The following BLCAP variants were observed in gnomAD, a reference collection of about 807,000 sequenced individuals.
BLCAP encodes apoptosis inducing factor BLCAP.
Under a neutral mutation model 5.7 loss-of-function variants are expected in BLCAP, and 1 was observed. The ratio of observed to expected loss-of-function variants is 0.18; its 90% confidence interval spans 0.06 to 0.83. The LOEUF is 0.83. BLCAP is among the 40% of genes least tolerant of loss of function. BLCAP has a pLI of 0.71. For synonymous variants in BLCAP, 48 were observed against 49.4 expected (o/e 0.97, Z 0.11); for missense variants, 66 against 107.6 (o/e 0.61, Z 1.71).
At chr20:37,522,804 T>C (rs1488408417) in intron 1 of BLCAP, 16 of 1,514,316 alleles carry the variant, frequency 1.1e-5, no homozygotes, top group African/African-American at 1.4e-5. Context: ...CAGGTGCTCC[T>C]GTGCATCTCG....
At chr20:37,522,213 A>G (rs1415155063) in intron 1 of BLCAP, 3 of 412,118 alleles carry the variant, frequency 7.3e-6, no homozygotes, top group Admixed American at 4.4e-5. Context: ...AAAATAAAAA[A>G]GAGGCAAAAG....
Position 37,521,242 on chromosome 20 carries a change from G to C in BLCAP, c.-176-1892C>G. The C allele has an allele frequency of 7.2e-7, 1 of 1,380,062 alleles. No individual in the cohort carries two copies. The highest frequency in any genetic ancestry group is 1.0e-6 in the Non-Finnish European group (1 of 970,206). 85.5% of individuals were successfully genotyped at this position (1,380,062 alleles called of 1,614,324 possible). A position where few individuals can be genotyped will look rare whatever the true frequency, so the allele number is the denominator to read the frequency against. On this transcript the variant is annotated intron_variant, in intron 1 of 1. Transcript: ENST00000373537. This position sits in a 1 kb window ranked among gnomAD's most constrained non-coding sequence, Gnocchi z 4.5. Reference sequence around the variant, plus strand: ...GGGTACTTAAGGCGCGGCCACCGCGGCTGCGGCAGTGCGCCCAACAGCGGA... The same window carrying C: ...GGGTACTTAAGGCGCGGCCACCGCGCCTGCGGCAGTGCGCCCAACAGCGGA...
intron 1 of BLCAP, among the ~76,000 whole-genome samples, chr20:37,525,200 C>T (rs917138696): frequency 6.6e-6 from 1 of 152,304 alleles, no homozygotes; most frequent in African/African-American, 2.4e-5. Flanking sequence ...GAATCATGAA[C>T]ATACCAACAT....
Position 37,521,191 on chromosome 20 carries a change from C to A in BLCAP, c.-176-1841G>T. 2 of 796,560 alleles carry A rather than the reference C, an allele frequency of 2.5e-6. No homozygotes were observed. Among genetic ancestry groups the A allele is most frequent in the African/African-American group, 1.7e-5 (1 of 58,912 alleles). 49.3% of individuals were successfully genotyped at this position (796,560 alleles called of 1,614,324 possible). ...CCCTCCTCATAAACACCCCCCAAGG[C>A]GCGCATGCGCACTTAGGTGGCGGGC... On this transcript the variant is annotated intron_variant, in intron 1 of 1. Transcript: ENST00000373537. This position sits in a 1 kb window ranked among gnomAD's most constrained non-coding sequence, Gnocchi z 4.5.
chr20:37,526,544 C>T (rs2071725483), intron 1 of BLCAP: 1 of 152,060 alleles, frequency 6.6e-6, no homozygotes, highest in Admixed American at 6.5e-5. Flanking sequence ...GCAGGCAACG[C>T]GTGGTTCTTG....
Position 37,518,593 on chromosome 20 carries a change from T to G in BLCAP, c.*318A>C. The G allele has an allele frequency of 6.7e-6, 2 of 296,960 alleles. No homozygotes were observed. The highest frequency in any genetic ancestry group is 7.0e-5 in the East Asian group (1 of 14,270). 18.4% of individuals were successfully genotyped at this position (296,960 alleles called of 1,614,324 possible). ...GGCATTTTATCTGCCCCAGGTCACATTGGGGCAGCTGACCAGGATGGACCC... is the reference window on the plus strand; with the variant it reads ...GGCATTTTATCTGCCCCAGGTCACAGTGGGGCAGCTGACCAGGATGGACCC... On this transcript the variant is annotated 3_prime_UTR_variant, in exon 2 of 2. Coordinates refer to ENST00000373537, the MANE Select transcript of BLCAP (RefSeq NM_006698.4).
rs1601090134 is a variant in BLCAP, at chr20:37,521,209, T to C, written c.-176-1859A>G. 2 of 955,064 alleles carry C rather than the reference T, an allele frequency of 2.1e-6. No individual in the cohort carries two copies. Among genetic ancestry groups the C allele is most frequent in the Non-Finnish European group, 3.4e-6 (2 of 595,330 alleles). The allele number at this position is 955,064 out of a possible 1,614,324, so 59.2% of individuals were successfully genotyped here. ...CCCAAGGCGCGCATGCGCACTTAGG[T>C]GGCGGGCGGGTACTTAAGGCGCGGC... On this transcript the variant is annotated intron_variant, in intron 1 of 1. Coordinates refer to ENST00000373537, the MANE Select transcript of BLCAP (RefSeq NM_006698.4). This position sits in a 1 kb window ranked among gnomAD's most constrained non-coding sequence, Gnocchi z 4.5.
Position 37,518,739 on chromosome 20 carries a change from C to A in BLCAP, c.*172G>T, listed in dbSNP as rs372362652. 1 of 917,778 alleles carries A rather than the reference C, an allele frequency of 1.1e-6. No individual in the cohort carries two copies. Among genetic ancestry groups the A allele is most frequent in the Non-Finnish European group, 1.6e-6 (1 of 619,060 alleles). The allele number at this position is 917,778 out of a possible 1,614,324, so 56.9% of individuals were successfully genotyped here. A position where few individuals can be genotyped will look rare whatever the true frequency, so the allele number is the denominator to read the frequency against. ...CTATAGGACTTTACAATAAAAGCAC[C>A]GGTCAGTGCCATTATTCACATTGTA... On this transcript the variant is annotated 3_prime_UTR_variant, in exon 2 of 2. Transcript: ENST00000373537.
chr20:37,522,856 C>A, intron 1 of BLCAP: 2 of 1,135,444 alleles, frequency 1.8e-6, no homozygotes, highest in Non-Finnish European at 2.5e-6. Context: ...GTGGGGTCCC[C>A]TGTGTTCCCT....
chr20:37,522,974 TCC>T (rs1188591278), intron 1 of BLCAP: 3 of 509,320 alleles, frequency 5.9e-6, no homozygotes, highest in Non-Finnish European at 1.0e-5. Flanking sequence ...TTTGCACCGG[TCC>T]CACTAAGGGG....
chr20:37,521,197 T>G lies in BLCAP; in HGVS notation c.-176-1847A>C. 1.2e-6 allele frequency: 1 copy of G among 851,192 alleles called. No individual in the cohort carries two copies. The highest frequency in any genetic ancestry group is 2.0e-6 in the Non-Finnish European group (1 of 507,228). The allele number at this position is 851,192 out of a possible 1,614,324, so 52.7% of individuals were successfully genotyped here. On this transcript the variant is annotated intron_variant, in intron 1 of 1. Transcript: ENST00000373537. The surrounding 1 kb of genome is among the most constrained non-coding windows in gnomAD (Gnocchi z 4.5). Reference sequence around the variant, plus strand: ...TCATAAACACCCCCCAAGGCGCGCATGCGCACTTAGGTGGCGGGCGGGTAC... The same window carrying G: ...TCATAAACACCCCCCAAGGCGCGCAGGCGCACTTAGGTGGCGGGCGGGTAC...
intron 1 of BLCAP, chr20:37,522,344 A>G (rs1213343518): frequency 3.1e-6 from 5 of 1,610,914 alleles, no homozygotes; most frequent in Admixed American, 1.7e-5. Context: ...AAGGAATCGC[A>G]TATTTCCTTC....
chr20:37,518,979 AAC>A lies in BLCAP; in HGVS notation c.194_195del (p.Cys65PhefsTer16). 2 of 1,614,098 alleles carry A rather than the reference AAC, an allele frequency of 1.2e-6. No individual in the cohort carries two copies. Among genetic ancestry groups the A allele is most frequent in the Non-Finnish European group, 1.7e-6 (2 of 1,179,944 alleles). On this transcript the variant is annotated frameshift_variant, in exon 2 of 2. Transcript: ENST00000373537. LOFTEE classifies it high-confidence loss of function. ...GGGGAATCGGAGCAGTGGTACAGGA[AAC>A]AGTTTCCCCAGCAGCTATAGCAGAT... ...FLICYSCWGN[C>X]FLYHCSDSPL...
At chr20:37,526,418 T>C (rs574531984) in intron 1 of BLCAP, among the ~76,000 whole-genome samples, 2 of 152,118 alleles carry the variant, frequency 1.3e-5, no homozygotes, top group East Asian at 1.9e-4. Context: ...TGTCACCATC[T>C]TCCCTGGGAG....
At chr20:37,523,050 A>C (rs2071644237) in intron 1 of BLCAP, 2 of 372,618 alleles carry the variant, frequency 5.4e-6, no homozygotes, top group East Asian at 4.3e-5. Flanking sequence ...TAGGCACCGC[A>C]TTCTGATCTG....
At chr20:37,523,978 T>C (rs2071676438) in intron 1 of BLCAP, among the ~76,000 whole-genome samples, 1 of 152,058 alleles carries the variant, frequency 6.6e-6, no homozygotes. Context: ...CTTGTGGTCT[T>C]AGGATAAGGG....
rs927581350 is a variant in BLCAP at position 37,521,135 on chromosome 20, C to G, written c.-176-1785G>C. 8.5e-5 allele frequency: 55 copies of G among 645,576 alleles called. No individual in the cohort carries two copies. Among genetic ancestry groups the G allele is most frequent in the Middle Eastern group, 8.4e-4 (2 of 2,376 alleles). The allele number at this position is 645,576 out of a possible 1,614,324, so 40.0% of individuals were successfully genotyped here. On this transcript the variant is annotated intron_variant, in intron 1 of 1. Coordinates refer to ENST00000373537, the MANE Select transcript of BLCAP (RefSeq NM_006698.4). The surrounding 1 kb of genome is among the most constrained non-coding windows in gnomAD (Gnocchi z 4.5). The stretch of plus-strand genomic sequence containing the variant: ...AGAGCAGATGGATTATTTTTTTCCT[C>G]TCCTGGCGAATGAGGAGCGCCCCCA...
In BLCAP at chr20:37,518,637, AGGCG is replaced by A; in HGVS notation, c.*270_*273del. The A allele has an allele frequency of 2.2e-6, 1 of 454,660 alleles. No individual in the cohort carries two copies. The highest frequency in any genetic ancestry group is 3.7e-5 in the Admixed American group (1 of 26,752). The allele number at this position is 454,660 out of a possible 1,614,324, so 28.2% of individuals were successfully genotyped here. A position where few individuals can be genotyped will look rare whatever the true frequency, so the allele number is the denominator to read the frequency against. On this transcript the variant is annotated 3_prime_UTR_variant, in exon 2 of 2. Coordinates refer to ENST00000373537, the MANE Select transcript of BLCAP (RefSeq NM_006698.4). ...TGGACCCAGACTCCTCACAGTAATGAGGCGAGAGGGGTGGTCATGCGGCCAGCCA... is the reference window on the plus strand; with the variant it reads ...TGGACCCAGACTCCTCACAGTAATGAAGAGGGGTGGTCATGCGGCCAGCCA...
At chr20:37,522,303 A>C in intron 1 of BLCAP, 3 of 1,466,280 alleles carry the variant, frequency 2.0e-6, no homozygotes, top group Non-Finnish European at 2.9e-6. Context: ...CCTTTGCAGG[A>C]AGAATTCCCT....
Sources: allele counts gnomAD v4.1 joint callset (sites outside exome capture counted in the v4.1 genomes callset), GRCh38; gene constraint gnomAD v4.1.1; non-coding constraint Gnocchi (gnomAD v3.1); transcripts MANE v1.5; gene names NCBI Gene and HGNC (gene_info 2026-07-23, HGNC 2026-07-21).